Variants in AKAP6 observed in about 807,000 individuals in gnomAD.
The protein encoded by AKAP6 is A-kinase anchoring protein 6.
A neutral mutation model predicts 188.5 loss-of-function variants in AKAP6; 58 were observed. The observed-to-expected ratio is 0.31, with a 90% confidence interval of 0.25 to 0.38. The LOEUF (loss-of-function observed/expected upper bound fraction) is 0.38, where lower values mean the gene tolerates loss of function less well. AKAP6 is among the 10% of genes least tolerant of loss of function. The pLI is 1.00. For synonymous variants in AKAP6, 989 were observed against 998.6 expected (o/e 0.99, Z 0.18); for missense variants, 2,710 against 2,740.0 (o/e 0.99, Z 0.24).
rs944150341 is a variant in AKAP6 at position 32,428,792 on chromosome 14, G to A, written c.-34-4668G>A. Among the ~76,000 whole-genome samples the A allele has an allele frequency of 5.3e-5, 8 of 152,102 alleles. No homozygotes were observed. The East Asian group carries it at 1.5e-3, about 29-fold the overall frequency. Reference sequence around the variant, plus strand: ...ACCCAAAACTTGTGGACATGAGATCGCAGAAACAGTCCTTGTTAGTAAGCC... The same window carrying A: ...ACCCAAAACTTGTGGACATGAGATCACAGAAACAGTCCTTGTTAGTAAGCC... On this transcript the variant is annotated intron_variant, in intron 1 of 13. Transcript: ENST00000280979.
chr14:32,334,538 T>C (rs989670731), intron 1 of AKAP6, among the ~76,000 whole-genome samples: 1 of 152,214 alleles, frequency 6.6e-6, no homozygotes, highest in African/African-American at 2.4e-5. Flanking sequence ...GTTTTATTAT[T>C]AGTTATTGTT....
At chr14:32,665,724 G>C (rs546610287) in intron 7 of AKAP6, among the ~76,000 whole-genome samples, 29 of 152,296 alleles carry the variant, frequency 1.9e-4, no homozygotes, top group African/African-American at 6.7e-4. Context: ...GAAAGTCAGA[G>C]GCTGCCCCTG....
intron 9 of AKAP6, among the ~76,000 whole-genome samples, chr14:32,706,243 A>G (rs147772744): frequency 4.5e-4 from 68 of 152,260 alleles, no homozygotes; most frequent in African/African-American, 1.6e-3. Flanking sequence ...TTTTTGTGCT[A>G]AGATAGAAGA....
chr14:32,578,028 G>A (rs1447347284), intron 5 of AKAP6, among the ~76,000 whole-genome samples: 1 of 152,060 alleles, frequency 6.6e-6, no homozygotes, highest in Non-Finnish European at 1.5e-5. Flanking sequence ...TTCACTGATA[G>A]CATAAAATTG....
chr14:32,372,768 CTCTGTG>C (rs1397616972), intron 1 of AKAP6, among the ~76,000 whole-genome samples: 3 of 52,610 alleles, frequency 5.7e-5, no homozygotes, highest in African/African-American at 2.2e-4. Context: ...CTTTTTGTTG[CTCTGTG>C]TGTGTGTGTG....
chr14:32,548,049 A>G (rs1194213305), intron 4 of AKAP6, among the ~76,000 whole-genome samples: 1 of 150,076 alleles, frequency 6.7e-6, no homozygotes, highest in Admixed American at 6.6e-5. Context: ...TTGTCTACAT[A>G]TAATTTGTGT....
chr14:32,646,793 C>G (rs1594809576), intron 7 of AKAP6, among the ~76,000 whole-genome samples: 1 of 151,926 alleles, frequency 6.6e-6, no homozygotes, highest in East Asian at 1.9e-4. Flanking sequence ...AGCAAAACTG[C>G]TGAAGGTAAG....
rs147284167 is a variant in AKAP6, at chr14:32,531,457, G to C, written c.325-4097G>C. Among the ~76,000 whole-genome samples the C allele has an allele frequency of 5.1e-3, 782 of 152,318 alleles. 2 individuals are homozygous for C. Among genetic ancestry groups the C allele is most frequent in the Middle Eastern group, 0.017 (5 of 294 alleles). Reference sequence around the variant, plus strand: ...GTATGTGATCCAAAATGAATTTTATGTGTATTTTACTGAGACTATAAACTG... The same window carrying C: ...GTATGTGATCCAAAATGAATTTTATCTGTATTTTACTGAGACTATAAACTG... On this transcript the variant is annotated intron_variant, in intron 2 of 13. Coordinates refer to ENST00000280979, the MANE Select transcript of AKAP6 (RefSeq NM_004274.5).
intron 1 of AKAP6, among the ~76,000 whole-genome samples, chr14:32,371,890 T>C (rs1253814705): frequency 6.6e-6 from 1 of 152,200 alleles, no homozygotes; most frequent in Admixed American, 6.5e-5. Flanking sequence ...TTTCCTCATC[T>C]GCAAGATATG....
At chr14:32,523,747 G>T (rs913595298) in intron 2 of AKAP6, among the ~76,000 whole-genome samples, 1 of 147,270 alleles carries the variant, frequency 6.8e-6, no homozygotes, top group Non-Finnish European at 1.5e-5. Context: ...GGTTGCAGGT[G>T]TGAGCCACCA....
intron 1 of AKAP6, among the ~76,000 whole-genome samples, chr14:32,341,206 G>A (rs1246524568): frequency 6.6e-6 from 1 of 151,876 alleles, no homozygotes. Context: ...TCTCTTTTTA[G>A]CCACAACATA....
chr14:32,384,504 C>T (rs1888466542), intron 1 of AKAP6, among the ~76,000 whole-genome samples: 1 of 152,158 alleles, frequency 6.6e-6, no homozygotes, highest in Non-Finnish European at 1.5e-5. Flanking sequence ...GTCATAGAAT[C>T]ATAGAATTTT....
At chr14:32,473,571 G>A (rs1238072045) in intron 2 of AKAP6, among the ~76,000 whole-genome samples, 1 of 152,146 alleles carries the variant, frequency 6.6e-6, no homozygotes, top group African/African-American at 2.4e-5. Flanking sequence ...CAAATTAGTG[G>A]GGTGAGGTGC....
chr14:32,822,345 C>T lies in AKAP6; in HGVS notation c.4532C>T (p.Ser1511Phe). The change falls in exon 13 of 14, where the codon TCT becomes TTT. Residue 1511 changes from serine (S) to phenylalanine (F), a missense_variant. Around this residue, in one of 2 missense-constraint regions of AKAP6, gnomAD observed 2,473 missense variants for 2,426.1 expected, o/e 1.02. Coordinates refer to ENST00000280979, the MANE Select transcript of AKAP6 (RefSeq NM_004274.5). The stretch of plus-strand genomic sequence containing the variant: ...TATTTTGATAAAAAATCATGCAAAT[C>T]TAAACATCAGACTACAGAGTTACAA... The part of the protein sequence containing the change: ...GFYFDKKSCK[S>F]KHQTTELQPD... 6.2e-7 allele frequency: 1 copy of T among 1,613,948 alleles called. No individual in the cohort carries two copies. Among genetic ancestry groups the T allele is most frequent in the Non-Finnish European group, 8.5e-7 (1 of 1,179,932 alleles).
rs545460070 is a variant in AKAP6, at chr14:32,587,433, G to A, written c.2469+10191G>A. Among the ~76,000 whole-genome samples, 11 of 152,296 alleles carry A rather than the reference G, an allele frequency of 7.2e-5. 1 individual carries two copies. In the South Asian group the frequency reaches 1.9e-3, roughly 26 times the overall value. On this transcript the variant is annotated intron_variant, in intron 5 of 13. Transcript: ENST00000280979. The stretch of plus-strand genomic sequence containing the variant: ...GGTTTCTACTAGGGGGCAAAAGCAC[G>A]TTTGGATTCCAGTTCTGGAAAGACC...
At chr14:32,605,035 A>G (rs1594777018) in intron 7 of AKAP6, among the ~76,000 whole-genome samples, 1 of 152,224 alleles carries the variant, frequency 6.6e-6, no homozygotes, top group East Asian at 1.9e-4. Flanking sequence ...CTATGTGTTC[A>G]CATTGTTCAG....
chr14:32,513,416 T>C (rs1184557087), intron 2 of AKAP6, among the ~76,000 whole-genome samples: 1 of 152,216 alleles, frequency 6.6e-6, no homozygotes, highest in African/African-American at 2.4e-5. Flanking sequence ...ATGTTATTTA[T>C]CTGTATACCT....
At chr14:32,364,401 G>T (rs1019132446) in intron 1 of AKAP6, among the ~76,000 whole-genome samples, 1 of 152,098 alleles carries the variant, frequency 6.6e-6, no homozygotes, top group Non-Finnish European at 1.5e-5. Flanking sequence ...ATGGGCAGGG[G>T]CAGAGTAGTC....
Position 32,545,621 on chromosome 14 carries a change from T to A in AKAP6, c.968T>A (p.Leu323Gln). 1 of 1,614,178 alleles carries A rather than the reference T, an allele frequency of 6.2e-7. No individual in the cohort carries two copies. Among genetic ancestry groups the A allele is most frequent in the Middle Eastern group, 1.6e-4 (1 of 6,062 alleles). The change falls in exon 4 of 14, where the codon CTG (leucine) becomes CAG (glutamine). Residue 323 changes from leucine (L) to glutamine (Q), a missense_variant. By Grantham distance (113) the Leu-to-Gln change is moderately radical. Around this residue, in one of 2 missense-constraint regions of AKAP6, gnomAD observed 2,473 missense variants for 2,426.1 expected, o/e 1.02. Transcript: ENST00000280979. ...SAVEEQPGLTLGVSSSSGEAL... is the reference protein window; with the variant it reads ...SAVEEQPGLTQGVSSSSGEAL... The stretch of plus-strand genomic sequence containing the variant: ...GTCGAAGAGCAACCAGGCTTAACAC[T>A]GGGGGTGTCATCATCTTCAGGAGAA...
Sources: gnomAD v4.1 joint callset for allele counts (sites outside exome capture counted in the v4.1 genomes callset) on GRCh38, gnomAD v4.1.1 for gene constraint, gnomAD v4.1.1 regional missense constraint, MANE v1.5 for transcripts, NCBI Gene and HGNC (gene_info 2026-07-23, HGNC 2026-07-21) for gene names.